Variants in COL9A3 observed in about 807,000 individuals in gnomAD.
COL9A3 encodes the protein collagen alpha-3(IX) chain.
In COL9A3, 82 loss-of-function variants were observed where a neutral mutation model predicts 110.2. That is an observed-to-expected ratio of 0.74 (90% CI 0.62 to 0.89). The LOEUF is 0.89. Ranked by LOEUF, COL9A3 falls within the 40% of genes least tolerant of loss-of-function variation. The pLI, the probability that COL9A3 is intolerant of heterozygous loss-of-function variation, is 0.00. For missense variants in COL9A3, 1,066 were observed against 981.3 expected, an observed-to-expected ratio of 1.09 and a Z score of -1.15; for synonymous variants, 494 against 403.8, an observed-to-expected ratio of 1.22 and a Z score of -2.68.
At position 62,827,932 on chromosome 20, in the gene COL9A3, G is replaced by A. The variant is rs2063567003; in HGVS notation, c.856G>A (p.Gly286Ser). ...CTTGTGTGTCCTCTAGGGCAGACCTGGTCCCAAGGGAACCCCCGGAGTGGC... is the reference window on the plus strand; with the variant it reads ...CTTGTGTGTCCTCTAGGGCAGACCTAGTCCCAAGGGAACCCCCGGAGTGGC... ...RGPKGDLGRP[G>S]PKGTPGVAGP... The change falls in exon 17 of 32, where the codon GGT becomes AGT. Residue 286 changes from glycine (G) to serine (S), a missense_variant. By Grantham distance (56) the Gly-to-Ser change is moderately conservative. Transcript: ENST00000649368. 3 of 1,612,942 alleles carry A rather than the reference G, an allele frequency of 1.9e-6. No individual in the cohort carries two copies. Among genetic ancestry groups the A allele is most frequent in the Non-Finnish European group, 2.5e-6 (3 of 1,179,974 alleles).
intron 7 of COL9A3, 55 bp from the exon 8 acceptor site, chr20:62,821,702 G>A (rs893607995): frequency 2.6e-6 from 4 of 1,564,040 alleles, no homozygotes; most frequent in Non-Finnish European, 3.5e-6. Flanking sequence ...CCCTGGGTGG[G>A]GATCCTCGGG....
At chr20:62,825,558 C>G in intron 12 of COL9A3, 1 of 578,648 alleles carries the variant, frequency 1.7e-6, no homozygotes, top group East Asian at 2.9e-5. Flanking sequence ...TGCTTGGCCA[C>G]GAGGAGGGGC....
Position 62,830,603 on chromosome 20 carries a change from C to T in COL9A3, c.1287+15C>T, listed in dbSNP as rs931932594. 1.9e-6 allele frequency: 3 copies of T among 1,587,612 alleles called. No homozygotes were observed. Among genetic ancestry groups the T allele is most frequent in the Non-Finnish European group, 2.6e-6 (3 of 1,168,088 alleles). On this transcript the variant is annotated intron_variant, in intron 24 of 31. Coordinates refer to ENST00000649368, the MANE Select transcript of COL9A3 (RefSeq NM_001853.4). The stretch of plus-strand genomic sequence containing the variant: ...TGGGCGACCGGGTAAGTGGCCCTCT[C>T]AGCAGGAAGCTCCCCTGCACCCCCT...
rs779046464 is a variant in COL9A3 at position 62,836,322 on chromosome 20, C to G, written c.1537C>G (p.Pro513Ala). ...GGGTGTTCCTGGCATCACGGGGAAGCCGGGAGTTCCGGTACGTCGCTTTTC... is the reference window on the plus strand; with the variant it reads ...GGGTGTTCCTGGCATCACGGGGAAGGCGGGAGTTCCGGTACGTCGCTTTTC... ...VPGVPGITGK[P>A]GVPGKEASEQ... Residue 513 changes from proline to alanine, a missense_variant, in exon 28 of 32, where the codon CCG (proline) becomes GCG (alanine). Physicochemically the swap from Pro to Ala is conservative, Grantham distance 27. Transcript: ENST00000649368. The G allele has an allele frequency of 6.2e-7, 1 of 1,613,772 alleles. No homozygotes were observed. The highest frequency in any genetic ancestry group is 8.5e-7 in the Non-Finnish European group (1 of 1,180,028).
chr20:62,831,647 TG>T (rs1600804923), intron 24 of COL9A3: 1 of 182,306 alleles, frequency 5.5e-6, no homozygotes, highest in African/African-American at 2.4e-5. Context: ...CAGGTGTGGG[TG>T]GGGCCTGGTG....
chr20:62,826,349 A>G, intron 14 of COL9A3, 92 bp downstream of exon 14: 11 of 1,214,926 alleles, frequency 9.1e-6, no homozygotes, highest in Non-Finnish European at 1.3e-5. Context: ...CGTGAGTGAC[A>G]CTCTGAAGCA....
In COL9A3 at chr20:62,835,526, G is replaced by A. The variant is rs565134532; in HGVS notation, c.1369-395G>A. Among the ~76,000 whole-genome samples, 6 of 152,302 alleles carry A rather than the reference G, an allele frequency of 3.9e-5. No individual in the cohort carries two copies. In the East Asian group the frequency reaches 7.7e-4, roughly 20 times the overall value. On this transcript the variant is annotated intron_variant, in intron 26 of 31. Coordinates refer to ENST00000649368, the MANE Select transcript of COL9A3 (RefSeq NM_001853.4). ...TGTGTTTTGGAGGAGACATTAACCCGGCTGACTGTGTGTTGACGCACCTGG... is the reference window on the plus strand; with the variant it reads ...TGTGTTTTGGAGGAGACATTAACCCAGCTGACTGTGTGTTGACGCACCTGG...
chr20:62,836,728 C>T (rs553124922), intron 29 of COL9A3, 196 bp downstream of exon 29: 43 of 651,028 alleles, frequency 6.6e-5, no homozygotes, highest in Admixed American at 1.7e-4. Flanking sequence ...GGATGGCCCA[C>T]GCTCCCGCCC....
intron 30 of COL9A3, among the ~76,000 whole-genome samples, chr20:62,837,826 G>A (rs1318042025): frequency 6.7e-6 from 1 of 149,592 alleles, no homozygotes; most frequent in Non-Finnish European, 1.5e-5. Flanking sequence ...AAAAAAAAAT[G>A]TGAGGAATGG....
chr20:62,839,678 C>CTG (rs2063660175), intron 31 of COL9A3, among the ~76,000 whole-genome samples: 1 of 140,694 alleles, frequency 7.1e-6, no homozygotes, highest in Non-Finnish European at 1.5e-5. Context: ...ACCCACCCCA[C>CTG]CTCTCCCTGG....
chr20:62,839,877 C>G (rs1450226466), intron 31 of COL9A3, among the ~76,000 whole-genome samples: 1 of 152,164 alleles, frequency 6.6e-6, no homozygotes, highest in Non-Finnish European at 1.5e-5. Context: ...CGCACACACA[C>G]TGCTCTCTGG....
At chr20:62,832,810 G>A (rs954963698) in intron 25 of COL9A3, 6 of 530,508 alleles carry the variant, frequency 1.1e-5, no homozygotes, top group Non-Finnish European at 2.1e-5. Context: ...GCAAACAAAT[G>A]TCTTCCGTTT....
rs1568755156 is a variant in COL9A3, at chr20:62,826,755, T to A, written c.739-12T>A. On this transcript the variant is annotated splice_polypyrimidine_tract_variant and intron_variant, in intron 14 of 31. Coordinates refer to ENST00000649368, the MANE Select transcript of COL9A3 (RefSeq NM_001853.4). ...AGACAAGAGGACCCCGGATCCCCTC[T>A]CTCCTCTGCAGGGTCCCATTGGGTT... is the stretch of plus-strand genomic sequence containing the variant. 1.2e-6 allele frequency: 2 copies of A among 1,612,486 alleles called. No individual in the cohort carries two copies. The highest frequency in any genetic ancestry group is 2.2e-5 in the East Asian group (1 of 44,864).
chr20:62,826,556 G>A (rs894558930), intron 14 of COL9A3, among the ~76,000 whole-genome samples: 1 of 152,214 alleles, frequency 6.6e-6, no homozygotes, highest in East Asian at 1.9e-4. Context: ...CCACACACAC[G>A]GTCCCAGGCT....
chr20:62,817,358 G>T, intron 1 of COL9A3: 1 of 503,958 alleles, frequency 2.0e-6, no homozygotes, highest in Non-Finnish European at 3.4e-6. Context: ...GCCTCCTCTG[G>T]GAGCACAAGG....
chr20:62,822,076 GGTCCC>G, intron 8 of COL9A3, 30 bp from the exon 9 acceptor site: 1 of 1,362,140 alleles, frequency 7.3e-7, no homozygotes, highest in Non-Finnish European at 1.1e-6. Flanking sequence ...GGTGGGGGCT[GGTCCC>G]ACTCTGTCTA....
At chr20:62,827,838 G>C in intron 16 of COL9A3, 85 bp from the exon 17 acceptor site, 1 of 1,438,372 alleles carries the variant, frequency 7.0e-7, no homozygotes, top group Non-Finnish European at 9.8e-7. Flanking sequence ...ATAGCTCCTT[G>C]GTGTCCCCGA....
chr20:62,838,836 CT>C, intron 31 of COL9A3, 75 bp downstream of exon 31: 2 of 1,244,668 alleles, frequency 1.6e-6, no homozygotes, highest in South Asian at 2.6e-5. Context: ...GTGGGGCGTG[CT>C]TGGGTTATGA....
At chr20:62,839,140 G>A (rs1194251086) in intron 31 of COL9A3, among the ~76,000 whole-genome samples, 2 of 151,912 alleles carry the variant, frequency 1.3e-5, no homozygotes, top group African/African-American at 4.8e-5. Flanking sequence ...CAAGAGAATC[G>A]CTTGAACCCG....
Sources: allele counts gnomAD v4.1 joint callset (sites outside exome capture counted in the v4.1 genomes callset), GRCh38; gene constraint gnomAD v4.1.1; transcripts MANE v1.5; gene names NCBI Gene and HGNC (gene_info 2026-07-23, HGNC 2026-07-21).